The following ADAMTS12 variants were observed in gnomAD, a reference collection of about 807,000 sequenced individuals.
ADAMTS12 encodes the protein A disintegrin and metalloproteinase with thrombospondin motifs 12.
Under a neutral mutation model 167.8 loss-of-function variants are expected in ADAMTS12, and 118 were observed. The ratio of observed to expected loss-of-function variants is 0.70; its 90% CI spans 0.61 to 0.82. The LOEUF is 0.82. Ranked by LOEUF, ADAMTS12 falls within the 40% of genes least tolerant of loss-of-function variation. The pLI is 0.00. For synonymous variants in ADAMTS12, 704 were observed against 716.9 expected (o/e 0.98, Z 0.29); for missense variants, 1,916 against 1,998.8 (o/e 0.96, Z 0.79).
intron 2 of ADAMTS12, among the ~76,000 whole-genome samples, chr5:33,856,328 T>C (rs1017014372): frequency 6.6e-6 from 1 of 152,136 alleles, no homozygotes; most frequent in Non-Finnish European, 1.5e-5. Context: ...TCCTGGGTGA[T>C]TGTCATCTGG....
At chr5:33,759,117 T>A (rs774347982) in intron 2 of ADAMTS12, among the ~76,000 whole-genome samples, 1 of 152,246 alleles carries the variant, frequency 6.6e-6, no homozygotes, top group Non-Finnish European at 1.5e-5. Flanking sequence ...AGGCTTCTAA[T>A]CAAGCCTCCA....
intron 2 of ADAMTS12, among the ~76,000 whole-genome samples, chr5:33,826,097 A>T (rs1439678939): frequency 2.0e-5 from 3 of 152,328 alleles, no homozygotes; most frequent in Admixed American, 2.0e-4. Context: ...AACAGGGAAG[A>T]TGAAACTACA....
At chr5:33,704,602 A>C (rs1946263) in intron 3 of ADAMTS12, among the ~76,000 whole-genome samples, 2 of 152,082 alleles carry the variant, frequency 1.3e-5, no homozygotes, top group Admixed American at 6.5e-5. Context: ...TGATTAGTAA[A>C]GTTGATCCCG....
intron 3 of ADAMTS12, among the ~76,000 whole-genome samples, chr5:33,700,843 G>C (rs1468733285): frequency 6.6e-6 from 1 of 151,610 alleles, no homozygotes; most frequent in Non-Finnish European, 1.5e-5. Flanking sequence ...GACTGTATGT[G>C]AATATACAAT....
chr5:33,725,711 G>A lies in ADAMTS12; in HGVS notation c.634+25693C>T, dbSNP rs568274867. ...GACACATCGGCGAGGAAGCCCTCAC[G>A]TTGTGAAGTTTGCAATCATAGCCAC... On this transcript the variant is annotated intron_variant, in intron 3 of 23. Coordinates refer to ENST00000504830, the MANE Select transcript of ADAMTS12 (RefSeq NM_030955.4). 5.3e-5 allele frequency among the ~76,000 whole-genome samples: 8 copies of A among 152,328 alleles called. No homozygotes were observed. The South Asian group carries it at 1.0e-3, about 20-fold the overall frequency.
rs539984467 is a variant in ADAMTS12, at chr5:33,722,221, G to A, written c.634+29183C>T. 1.7e-4 allele frequency among the ~76,000 whole-genome samples: 25 copies of A among 151,378 alleles called. No homozygotes were observed. The East Asian group carries it at 2.4e-3, about 15-fold the overall frequency. ...AACCAAAAGAGTAATATAGTCCACC[G>A]GTAATTGTTTGTTATCAGAATAAAG... On this transcript the variant is annotated intron_variant, in intron 3 of 23. Coordinates refer to ENST00000504830, the MANE Select transcript of ADAMTS12 (RefSeq NM_030955.4).
intron 2 of ADAMTS12, among the ~76,000 whole-genome samples, chr5:33,781,582 T>G (rs13161116): frequency 0.37 from 55,959 of 151,984 alleles, 11,527 homozygotes; most frequent in East Asian, 0.58. Context: ...GCATATCAGA[T>G]AATGGAATCT....
At chr5:33,583,145 T>C (rs1304169045) in intron 18 of ADAMTS12, among the ~76,000 whole-genome samples, 1 of 152,198 alleles carries the variant, frequency 6.6e-6, no homozygotes, top group Non-Finnish European at 1.5e-5. Context: ...AAACTCTCGC[T>C]ACTGTTTCTA....
intron 14 of ADAMTS12, among the ~76,000 whole-genome samples, chr5:33,617,370 C>T (rs115907870): frequency 0.02 from 3,106 of 152,194 alleles, 120 homozygotes; most frequent in African/African-American, 0.071. Context: ...TCCTCTGGCG[C>T]TAAAGAAGTA....
chr5:33,634,025 T>G (rs1390684605), intron 12 of ADAMTS12, among the ~76,000 whole-genome samples: 4 of 152,132 alleles, frequency 2.6e-5, no homozygotes, highest in Non-Finnish European at 5.9e-5. Context: ...GGAAAAGAGA[T>G]GAACTTACCG....
intron 2 of ADAMTS12, among the ~76,000 whole-genome samples, chr5:33,827,552 A>G (rs187565173): frequency 3.3e-5 from 5 of 152,278 alleles, no homozygotes; most frequent in African/African-American, 1.2e-4. Context: ...GTAGCTTATT[A>G]TGCAGCAATA....
chr5:33,599,447 C>T (rs1462428143), intron 16 of ADAMTS12, among the ~76,000 whole-genome samples: 1 of 152,134 alleles, frequency 6.6e-6, no homozygotes, highest in African/African-American at 2.4e-5. Flanking sequence ...CCTTCTCTTC[C>T]CTGCCCTAAA....
intron 11 of ADAMTS12, among the ~76,000 whole-genome samples, chr5:33,639,051 G>T (rs1740329305): frequency 6.6e-6 from 1 of 152,138 alleles, no homozygotes; most frequent in African/African-American, 2.4e-5. Flanking sequence ...TTGTTAGATG[G>T]ATCTGAATAA....
At chr5:33,746,568 T>C (rs755428368) in intron 3 of ADAMTS12, among the ~76,000 whole-genome samples, 8 of 151,974 alleles carry the variant, frequency 5.3e-5, no homozygotes, top group Non-Finnish European at 1.0e-4. Context: ...TAGTAAAACA[T>C]GAAAGAAAGA....
At chr5:33,546,765 C>G (rs1016626880) in intron 21 of ADAMTS12, among the ~76,000 whole-genome samples, 3 of 152,102 alleles carry the variant, frequency 2.0e-5, no homozygotes, top group Non-Finnish European at 4.4e-5. Context: ...TTTTTGCTTA[C>G]TAGAATAATT....
chr5:33,652,526 T>TA (rs1237359402), intron 7 of ADAMTS12, among the ~76,000 whole-genome samples: 3 of 152,186 alleles, frequency 2.0e-5, no homozygotes, highest in African/African-American at 7.2e-5. Context: ...ATTCTCGATA[T>TA]TAGTCCTTTG....
intron 3 of ADAMTS12, among the ~76,000 whole-genome samples, chr5:33,708,984 A>G (rs1366495963): frequency 2.0e-5 from 3 of 152,122 alleles, no homozygotes; most frequent in Non-Finnish European, 4.4e-5. Context: ...AAAACAAAAC[A>G]AAACAAAAAC....
At chr5:33,728,733 A>G (rs1744071595) in intron 3 of ADAMTS12, among the ~76,000 whole-genome samples, 1 of 152,182 alleles carries the variant, frequency 6.6e-6, no homozygotes, top group Non-Finnish European at 1.5e-5. Context: ...TGTGTGTAGG[A>G]AAGGGGAAGG....
At chr5:33,622,034 G>A (rs1739358220) in intron 14 of ADAMTS12, among the ~76,000 whole-genome samples, 1 of 152,158 alleles carries the variant, frequency 6.6e-6, no homozygotes, top group Admixed American at 6.5e-5. Context: ...TGTAGGAAGG[G>A]GACATGGGAG....
Sources: allele counts gnomAD v4.1 joint callset (sites outside exome capture counted in the v4.1 genomes callset), GRCh38; gene constraint gnomAD v4.1.1; transcripts MANE v1.5; gene names NCBI Gene and HGNC (gene_info 2026-07-23, HGNC 2026-07-21).